The following ATP2B4 variants were observed in gnomAD, a reference collection of about 807,000 sequenced individuals.
The protein encoded by ATP2B4 is ATPase plasma membrane Ca2+ transporting 4, also known as plasma membrane calcium-transporting ATPase 4.
In ATP2B4, 39 loss-of-function variants were observed where a neutral mutation model predicts 110.3. The observed-to-expected ratio is 0.35, with a 90% CI of 0.27 to 0.46. ATP2B4 has a LOEUF of 0.46. Ranked by LOEUF, ATP2B4 falls within the 20% of genes least tolerant of loss-of-function variation. ATP2B4 has a pLI of 1.00. For synonymous variants in ATP2B4, 538 were observed against 571.7 expected (o/e 0.94, Z 0.84); for missense variants, 1,135 against 1,530.9 (o/e 0.74, Z 4.32).
intron 2 of ATP2B4, 47 bp downstream of exon 2, chr1:203,683,445 T>C: frequency 1.3e-6 from 2 of 1,512,876 alleles, no homozygotes; most frequent in Non-Finnish European, 1.8e-6. Context: ...GTGGCTAGTG[T>C]TTCAAAATAT....
In ATP2B4 at chr1:203,698,158, T is replaced by A; in HGVS notation, c.195T>A (p.Gly65=). The A allele has an allele frequency of 6.2e-7, 1 of 1,614,114 alleles. No individual in the cohort carries two copies. The highest frequency in any genetic ancestry group is 8.5e-7 in the Non-Finnish European group (1 of 1,180,012). The change falls in exon 3 of 21, where the codon GGT becomes GGA. Residue 65 remains glycine, a splice_region_variant and synonymous_variant. Coordinates refer to ENST00000357681, the MANE Select transcript of ATP2B4 (RefSeq NM_001684.5). ...CSRLKTSPVE[G]LSGNPADLEK... ...CATCCACTCCTATCTCCTTTTCAGGTCTGTCTGGGAACCCTGCAGATCTGG... is the reference window on the plus strand; with the variant it reads ...CATCCACTCCTATCTCCTTTTCAGGACTGTCTGGGAACCCTGCAGATCTGG...
chr1:203,650,997 A>T (rs979589758), intron 1 of ATP2B4, among the ~76,000 whole-genome samples: 1 of 152,062 alleles, frequency 6.6e-6, no homozygotes, highest in East Asian at 1.9e-4. Context: ...TGCTCTCTTA[A>T]TTCCTGGGCT....
intron 1 of ATP2B4, among the ~76,000 whole-genome samples, chr1:203,652,884 T>A (rs1007459638): frequency 6.6e-6 from 1 of 152,196 alleles, no homozygotes; most frequent in Non-Finnish European, 1.5e-5. Context: ...ATATTGAAAG[T>A]AGGCCAGTTA....
intron 20 of ATP2B4, chr1:203,728,049 G>A: frequency 2.8e-6 from 1 of 358,094 alleles, no homozygotes; most frequent in Non-Finnish European, 5.7e-6. Context: ...CTTTGTAAAA[G>A]AAACTCACCT....
At position 203,721,294 on chromosome 1, in the gene ATP2B4, T is replaced by C; in HGVS notation, c.2696T>C (p.Leu899Pro). The change falls in exon 17 of 21, where the codon CTG (leucine) becomes CCG (proline). Residue 899 changes from leucine to proline, a missense_variant. Physicochemically the swap from Leu to Pro is moderately conservative, Grantham distance 98. Around this residue, in one of 9 missense-constraint regions of ATP2B4, gnomAD observed 155 missense variants for 186.2 expected, o/e 0.83. Coordinates refer to ENST00000357681, the MANE Select transcript of ATP2B4 (RefSeq NM_001684.5). ...GCCACAGAGCCCCCTACGGAATCTCTGTTGAAGCGGCGCCCCTATGGCCGA... is the reference window on the plus strand; with the variant it reads ...GCCACAGAGCCCCCTACGGAATCTCCGTTGAAGCGGCGCCCCTATGGCCGA... ...ALATEPPTES[L>P]LKRRPYGRNK... is the part of the protein sequence containing the mutation. The C allele has an allele frequency of 6.2e-7, 1 of 1,614,244 alleles. No homozygotes were observed. Among genetic ancestry groups the C allele is most frequent in the Non-Finnish European group, 8.5e-7 (1 of 1,180,038 alleles).
intron 1 of ATP2B4, among the ~76,000 whole-genome samples, chr1:203,676,828 G>C (rs1360260161): frequency 6.6e-6 from 1 of 152,162 alleles, no homozygotes; most frequent in South Asian, 2.1e-4. Context: ...GGTGAGGGGA[G>C]GGGAGGACAA....
intron 1 of ATP2B4, chr1:203,657,446 T>G (rs1664195822): frequency 1.3e-6 from 1 of 784,460 alleles, no homozygotes; most frequent in Non-Finnish European, 2.3e-6. Flanking sequence ...TGGAAAGTAC[T>G]TTGGCTCGAG....
chr1:203,711,787 C>T (rs932461906), intron 12 of ATP2B4, among the ~76,000 whole-genome samples, 173 bp from the exon 13 acceptor site: 1 of 152,188 alleles, frequency 6.6e-6, no homozygotes, highest in East Asian at 1.9e-4. Flanking sequence ...GTGGGTAGGA[C>T]AGAAGTGAGG....
chr1:203,657,809 C>CT, intron 1 of ATP2B4: 1 of 546,902 alleles, frequency 1.8e-6, no homozygotes, highest in Non-Finnish European at 3.3e-6. Context: ...TGCGAAAACA[C>CT]TCTCAATTTT....
intron 1 of ATP2B4, among the ~76,000 whole-genome samples, chr1:203,627,555 C>A (rs1663125747): frequency 6.6e-6 from 1 of 152,028 alleles, no homozygotes; most frequent in South Asian, 2.1e-4. Flanking sequence ...CTCCCTCAAC[C>A]CATTCCGTTC....
At chr1:203,634,338 T>C (rs1343120579) in intron 1 of ATP2B4, among the ~76,000 whole-genome samples, 1 of 152,166 alleles carries the variant, frequency 6.6e-6, no homozygotes, top group African/African-American at 2.4e-5. Flanking sequence ...TAGCCAACAT[T>C]ATCTTTATTT....
intron 1 of ATP2B4, among the ~76,000 whole-genome samples, chr1:203,648,861 A>G (rs1002099970): frequency 6.6e-6 from 1 of 152,192 alleles, no homozygotes; most frequent in Non-Finnish European, 1.5e-5. Context: ...TACATTGGTT[A>G]TCTCAGAACC....
At chr1:203,686,662 T>C (rs1188957016) in intron 2 of ATP2B4, among the ~76,000 whole-genome samples, 1 of 147,828 alleles carries the variant, frequency 6.8e-6, no homozygotes, top group East Asian at 2.0e-4. Context: ...ATATGTGTCC[T>C]GGTGTTTTTC....
At chr1:203,720,140 C>T (rs1370030429) in intron 15 of ATP2B4, among the ~76,000 whole-genome samples, 3 of 152,130 alleles carry the variant, frequency 2.0e-5, no homozygotes, top group Non-Finnish European at 4.4e-5. Context: ...TGCTGCCATA[C>T]TACTACTCCT....
rs1400112074 is a variant in ATP2B4, at chr1:203,729,559, AAAAG to A, written c.3309+1991_3309+1994del. ...GACTCTGTCTCAAAAAAAAAAAAAA[AAAAG>A]AAGAAGAAAAGTGGATTGCAGACTC... On this transcript the variant is annotated intron_variant, in intron 20 of 20. Coordinates refer to ENST00000357681, the MANE Select transcript of ATP2B4 (RefSeq NM_001684.5). 5.7e-5 allele frequency: 26 copies of A among 452,866 alleles called. No individual in the cohort carries two copies. In the East Asian group the frequency reaches 1.2e-3, roughly 21 times the overall value. The allele number at this position is 452,866 out of a possible 1,614,324, so 28.1% of individuals were successfully genotyped here.
intron 1 of ATP2B4, among the ~76,000 whole-genome samples, chr1:203,661,535 G>A (rs1171791254): frequency 6.6e-6 from 1 of 152,200 alleles, no homozygotes; most frequent in Non-Finnish European, 1.5e-5. Flanking sequence ...CTGAGCTGAT[G>A]ATGGGGTGAC....
chr1:203,660,758 C>A (rs931137890), intron 1 of ATP2B4, among the ~76,000 whole-genome samples: 1 of 151,662 alleles, frequency 6.6e-6, no homozygotes, highest in Non-Finnish European at 1.5e-5. Context: ...AAGATCGCAC[C>A]ACTGCACTCC....
intron 14 of ATP2B4, 56 bp downstream of exon 14, chr1:203,713,308 G>A: frequency 6.2e-7 from 1 of 1,602,728 alleles, no homozygotes; most frequent in Non-Finnish European, 8.5e-7. Context: ...CCAGGGCGAG[G>A]ACAGATAAGA....
At chr1:203,668,744 C>T (rs1365246816) in intron 1 of ATP2B4, among the ~76,000 whole-genome samples, 1 of 152,200 alleles carries the variant, frequency 6.6e-6, no homozygotes, top group African/African-American at 2.4e-5. Context: ...CTGCTCCTTC[C>T]ACTGTGTGAG....
Sources: allele counts gnomAD v4.1 joint callset (sites outside exome capture counted in the v4.1 genomes callset), GRCh38; gene constraint gnomAD v4.1.1; regional missense constraint gnomAD v4.1.1; transcripts MANE v1.5; gene names NCBI Gene and HGNC (gene_info 2026-07-23, HGNC 2026-07-21).